LARP4B: variants seen among roughly 807,000 people sequenced by gnomAD.
The protein encoded by LARP4B is la-related protein 4B.
Under a neutral mutation model 89.8 loss-of-function variants are expected in LARP4B, and 12 were observed. The observed-to-expected ratio is 0.13, with a 90% CI of 0.09 to 0.22. The LOEUF (loss-of-function observed/expected upper bound fraction) is 0.22. Ranked by LOEUF, LARP4B falls within the 10% of genes least tolerant of loss-of-function variation. The pLI, the probability that LARP4B is intolerant of heterozygous loss-of-function variation, is 1.00. For missense variants in LARP4B, 757 were observed against 947.7 expected (o/e 0.80, Z 2.64); for synonymous variants, 367 against 363.3 (o/e 1.01, Z -0.12).
intron 3 of LARP4B, among the ~76,000 whole-genome samples, chr10:876,292 G>A (rs946156149): frequency 3.3e-5 from 5 of 152,114 alleles, no homozygotes; most frequent in Non-Finnish European, 1.5e-5. Context: ...GCTGAGGCAG[G>A]AGAATCGCTT....
chr10:904,932 C>A (rs1836448135), intron 1 of LARP4B, among the ~76,000 whole-genome samples: 1 of 152,214 alleles, frequency 6.6e-6, no homozygotes, highest in Admixed American at 6.5e-5. Flanking sequence ...ATGGTGACAT[C>A]TTTGCTTTCT....
At chr10:879,918 C>T (rs371076567) in intron 3 of LARP4B, among the ~76,000 whole-genome samples, 33 of 152,184 alleles carry the variant, frequency 2.2e-4, no homozygotes, top group African/African-American at 7.5e-4. Flanking sequence ...GGATTACAGG[C>T]GTGCACCACC....
At position 824,548 on chromosome 10, in the gene LARP4B, A is replaced by C. The variant is rs181899273; in HGVS notation, c.1484+517T>G. Among the ~76,000 whole-genome samples the C allele has an allele frequency of 4.3e-4, 65 of 152,306 alleles. No individual in the cohort carries two copies. In the East Asian group the frequency reaches 0.011, roughly 25 times the overall value. ...AAAAACCTACTACAGGATTGATGCC[A>C]AAAAAATGTTAAACAAAACCAAAAA... On this transcript the variant is annotated intron_variant, in intron 13 of 17. Coordinates refer to ENST00000316157, the MANE Select transcript of LARP4B (RefSeq NM_015155.3).
chr10:901,159 C>T (rs2131987719), intron 1 of LARP4B, among the ~76,000 whole-genome samples: 1 of 152,160 alleles, frequency 6.6e-6, no homozygotes, highest in South Asian at 2.1e-4. Context: ...TCCTGATCCA[C>T]CCGCCTCGGC....
chr10:911,749 A>T (rs890984422), intron 1 of LARP4B, among the ~76,000 whole-genome samples: 1 of 152,174 alleles, frequency 6.6e-6, no homozygotes, highest in African/African-American at 2.4e-5. Flanking sequence ...TCTCAGGTCT[A>T]AAGCTCTGCT....
intron 3 of LARP4B, among the ~76,000 whole-genome samples, chr10:878,207 T>A (rs1443329966): frequency 6.6e-6 from 1 of 152,196 alleles, no homozygotes; most frequent in Non-Finnish European, 1.5e-5. Flanking sequence ...GCTAGGGACC[T>A]GCCAGAACTC....
the LARP4B span, chr10:973,110 A>G: frequency 2.8e-6 from 1 of 358,428 alleles, no homozygotes. Context: ...TGCAGAGAGT[A>G]AAGGAGCTCT....
At chr10:874,919 T>C (rs1193364645) in intron 3 of LARP4B, among the ~76,000 whole-genome samples, 6 of 152,172 alleles carry the variant, frequency 3.9e-5, no homozygotes, top group Non-Finnish European at 8.8e-5. Context: ...CATCTATGCA[T>C]CCATTTTGTC....
chr10:826,916 A>T (rs961980830), intron 11 of LARP4B, among the ~76,000 whole-genome samples: 1 of 152,222 alleles, frequency 6.6e-6, no homozygotes, highest in Non-Finnish European at 1.5e-5. Flanking sequence ...TACAAAAGGG[A>T]AGTTAGAATC....
chr10:962,177 T>C, the LARP4B span, among the ~76,000 whole-genome samples: 43 of 151,748 alleles, frequency 2.8e-4, no homozygotes, highest in Admixed American at 2.4e-3. Context: ...ATGCCTGTAA[T>C]TCCAGCTATT....
At chr10:827,542 T>C (rs1488674023) in intron 11 of LARP4B, among the ~76,000 whole-genome samples, 3 of 152,206 alleles carry the variant, frequency 2.0e-5, no homozygotes, top group Non-Finnish European at 2.9e-5. Context: ...AGGACGCACA[T>C]GTTTTAGCAC....
chr10:849,368 G>A (rs1833931971), intron 5 of LARP4B, among the ~76,000 whole-genome samples: 1 of 152,198 alleles, frequency 6.6e-6, no homozygotes, highest in Non-Finnish European at 1.5e-5. Context: ...GATGGGGCAT[G>A]TCAAAGGGAG....
chr10:957,163 CTTTTAT>C, the LARP4B span, among the ~76,000 whole-genome samples: 12 of 151,948 alleles, frequency 7.9e-5, no homozygotes, highest in Non-Finnish European at 1.2e-4. Context: ...TATTTTTTTA[CTTTTAT>C]TTTTATTTTT....
intron 8 of LARP4B, among the ~76,000 whole-genome samples, chr10:835,949 T>C (rs866490933): frequency 6.6e-6 from 1 of 151,098 alleles, no homozygotes; most frequent in Admixed American, 6.6e-5. Context: ...AAAAAAAAAA[T>C]TACTCCCCAA....
the LARP4B span, among the ~76,000 whole-genome samples, chr10:949,318 G>A: frequency 4.7e-5 from 7 of 150,386 alleles, no homozygotes; most frequent in East Asian, 2.0e-4. Flanking sequence ...CCAGCCCCGC[G>A]TGAGTGAGTG....
the LARP4B span, among the ~76,000 whole-genome samples, chr10:959,766 C>CCGTCATTCCCACCTCCT: frequency 1.2e-5 from 1 of 81,076 alleles, no homozygotes; most frequent in African/African-American, 4.5e-5. Flanking sequence ...ATCCACCTCC[C>CCGTCATTCCCACCTCCT]CGTCATTCCC....
chr10:820,994 C>G, intron 13 of LARP4B, 149 bp from the exon 14 acceptor site: 1 of 687,094 alleles, frequency 1.5e-6, no homozygotes, highest in Non-Finnish European at 2.4e-6. Flanking sequence ...ATTCTAAAAT[C>G]CCAACTTCAG....
At chr10:944,582 A>G in the LARP4B span, among the ~76,000 whole-genome samples, 2 of 152,222 alleles carry the variant, frequency 1.3e-5, no homozygotes, top group Non-Finnish European at 2.9e-5. Flanking sequence ...AGCGCTGGGG[A>G]AACAGCACTC....
At chr10:886,660 T>C (rs1362228688) in intron 1 of LARP4B, among the ~76,000 whole-genome samples, 2 of 152,250 alleles carry the variant, frequency 1.3e-5, no homozygotes, top group Non-Finnish European at 2.9e-5. Flanking sequence ...CCCCGTCGTA[T>C]GCTATAACAT....
Sources: allele counts gnomAD v4.1 joint callset (sites outside exome capture counted in the v4.1 genomes callset), GRCh38; gene constraint gnomAD v4.1.1; transcripts MANE v1.5; gene names NCBI Gene and HGNC (gene_info 2026-07-23, HGNC 2026-07-21).